Variants in REV1 observed in about 807,000 individuals in gnomAD.
The protein encoded by REV1 is REV1 DNA directed polymerase.
In REV1, 42 loss-of-function variants were observed where a neutral mutation model predicts 137.4. That is an observed-to-expected ratio of 0.31 (90% CI 0.24 to 0.40). REV1 has a LOEUF of 0.40. REV1 is among the 10% of genes least tolerant of loss of function. REV1 has a pLI of 1.00. For synonymous variants in REV1, 524 were observed against 519.2 expected (o/e 1.01, Z -0.12); for missense variants, 1,282 against 1,490.1 (o/e 0.86, Z 2.30).
rs1188223937 is a variant in REV1 at position 99,403,048 on chromosome 2, CTTG to C, written c.3222_3224del (p.Asn1074del). The C allele has an allele frequency of 9.3e-6, 15 of 1,613,772 alleles. No homozygotes were observed. The highest frequency in any genetic ancestry group is 1.3e-5 in the Non-Finnish European group (15 of 1,179,918). On this transcript the variant is annotated inframe_deletion, in exon 20 of 23. Coordinates refer to ENST00000258428, the MANE Select transcript of REV1 (RefSeq NM_016316.4). The stretch of plus-strand genomic sequence containing the variant: ...TTGGTGAACCAATGGTTTTTTTCTT[CTTG>C]TTTCTTTTCTTTTCTTTCACTGCTG...
intron 4 of REV1, among the ~76,000 whole-genome samples, chr2:99,448,102 A>G (rs1194898863): frequency 6.6e-6 from 1 of 152,158 alleles, no homozygotes; most frequent in Non-Finnish European, 1.5e-5. Context: ...AGCCTTTTCC[A>G]CCACGCTGCT....
intron 9 of REV1, 82 bp downstream of exon 9, chr2:99,429,758 A>C: frequency 4.0e-6 from 3 of 746,626 alleles, no homozygotes; most frequent in South Asian, 2.3e-5. Context: ...AATCCACTTC[A>C]AAAGATTATA....
chr2:99,404,412 A>C, intron 18 of REV1, 32 bp downstream of exon 18: 1 of 1,579,770 alleles, frequency 6.3e-7, no homozygotes, highest in Non-Finnish European at 8.7e-7. Flanking sequence ...GAATATTGAA[A>C]CTACAGCAGA....
rs752164987 is a variant in REV1 at position 99,429,918 on chromosome 2, T to C, written c.1469A>G (p.Asn490Ser). The C allele has an allele frequency of 3.7e-6, 6 of 1,601,770 alleles. No individual in the cohort carries two copies. The highest frequency in any genetic ancestry group is 5.1e-6 in the Non-Finnish European group (6 of 1,174,404). The change falls in exon 9 of 23, where the codon AAT (asparagine) becomes AGT (serine). Residue 490 changes from asparagine to serine, a missense_variant. This residue lies in a region of REV1 where 432 missense variants were observed against 438.0 expected (regional missense o/e 0.99). Transcript: ENST00000258428. Reference sequence around the variant, plus strand: ...TCCATTTGCTTGCGCAGAATCTGGATTCTCCCACAATGATGAATCTGGTAT... The same window carrying C: ...TCCATTTGCTTGCGCAGAATCTGGACTCTCCCACAATGATGAATCTGGTAT... The part of the protein sequence containing the change: ...ADIPDSSLWE[N>S]PDSAQANGID...
chr2:99,442,609 G>T, intron 4 of REV1, 140 bp from the exon 5 acceptor site: 2 of 748,496 alleles, frequency 2.7e-6, no homozygotes, highest in Non-Finnish European at 4.3e-6. Flanking sequence ...TTCTTGCTCG[G>T]TTTTAGTGGT....
intron 1 of REV1, among the ~76,000 whole-genome samples, chr2:99,477,687 A>T (rs1450333061): frequency 6.6e-6 from 1 of 152,242 alleles, no homozygotes; most frequent in African/African-American, 2.4e-5. Flanking sequence ...ATGTATAACA[A>T]ACATTTGTAT....
chr2:99,483,877 CAGTAAGATAT>C (rs1686878700), intron 1 of REV1, among the ~76,000 whole-genome samples: 1 of 152,102 alleles, frequency 6.6e-6, no homozygotes, highest in African/African-American at 2.4e-5. Flanking sequence ...CACTTTCCTC[CAGTAAGATAT>C]AATGGCATTG....
intron 15 of REV1, among the ~76,000 whole-genome samples, chr2:99,407,080 CTTTTTTTTTTTTTTT>C (rs869170472): frequency 1.8e-4 from 11 of 60,046 alleles, no homozygotes; most frequent in South Asian, 7.7e-4. Context: ...TACAAAGGTT[CTTTTTTTTTTTTTTT>C]TTTTTTTTTT....
chr2:99,447,317 C>T (rs1465304006), intron 4 of REV1, among the ~76,000 whole-genome samples: 5 of 152,068 alleles, frequency 3.3e-5, no homozygotes, highest in South Asian at 2.1e-4. Context: ...GGACTACAGG[C>T]GCGCGCCACC....
chr2:99,471,378 G>T (rs186734874), intron 1 of REV1, among the ~76,000 whole-genome samples: 6 of 152,112 alleles, frequency 3.9e-5, no homozygotes, highest in Admixed American at 1.3e-4. Flanking sequence ...AGGAAAACTG[G>T]ATATCACATG....
intron 3 of REV1, among the ~76,000 whole-genome samples, chr2:99,460,716 A>C (rs1343476847): frequency 6.6e-6 from 1 of 152,172 alleles, no homozygotes; most frequent in East Asian, 1.9e-4. Context: ...GGTGAAATTC[A>C]GCATAATGGA....
intron 3 of REV1, among the ~76,000 whole-genome samples, chr2:99,453,347 G>A (rs1306250346): frequency 4.3e-5 from 6 of 140,704 alleles, no homozygotes; most frequent in African/African-American, 1.6e-4. Flanking sequence ...AACAGAGCAA[G>A]ACTGTCTCAA....
intron 6 of REV1, chr2:99,436,719 C>T (rs573317338): frequency 1.3e-5 from 2 of 152,150 alleles, no homozygotes; most frequent in African/African-American, 4.8e-5. Flanking sequence ...CTAATCCAGG[C>T]ACAAGCAGAG....
At chr2:99,489,751 C>G (rs1366727021) in intron 1 of REV1, 66 bp downstream of exon 1, 1 of 150,002 alleles carries the variant, frequency 6.7e-6, no homozygotes, top group Non-Finnish European at 1.5e-5. Context: ...GTCTGCGGCG[C>G]CTCCGGGCGA....
Position 99,435,647 on chromosome 2 carries a change from T to C in REV1, c.1321+187A>G, listed in dbSNP as rs1366009490. ...GAAGATGAATATTCTTCCCTGAAGA[T>C]CCCTATAGGGAGAAAGAAAAACTCT... On this transcript the variant is annotated intron_variant, in intron 7 of 22. Transcript: ENST00000258428. The C allele has an allele frequency of 2.1e-5, 9 of 422,534 alleles. No homozygotes were observed. In the South Asian group the frequency reaches 4.3e-4, roughly 20 times the overall value. 26.2% of individuals were successfully genotyped at this position (422,534 alleles called of 1,614,324 possible).
chr2:99,457,360 G>C lies in REV1; in HGVS notation c.181+5136C>G, dbSNP rs540780803. Among the ~76,000 whole-genome samples the C allele has an allele frequency of 1.5e-4, 23 of 152,284 alleles. No individual in the cohort carries two copies. The East Asian group carries it at 4.4e-3, about 29-fold the overall frequency. Reference sequence around the variant, plus strand: ...GTAATTCCTATCAAAATCCCAGCAAGGTATTTTGTGGATAAATGACTTATT... The same window carrying C: ...GTAATTCCTATCAAAATCCCAGCAACGTATTTTGTGGATAAATGACTTATT... On this transcript the variant is annotated intron_variant, in intron 3 of 22. Coordinates refer to ENST00000258428, the MANE Select transcript of REV1 (RefSeq NM_016316.4).
intron 19 of REV1, 74 bp downstream of exon 19, chr2:99,403,621 C>A: frequency 6.2e-7 from 1 of 1,601,022 alleles, no homozygotes; most frequent in Non-Finnish European, 8.5e-7. Context: ...CCATTATATA[C>A]TGCAATAATT....
chr2:99,459,727 C>G (rs997703775), intron 3 of REV1, among the ~76,000 whole-genome samples: 1 of 151,966 alleles, frequency 6.6e-6, no homozygotes, highest in African/African-American at 2.4e-5. Context: ...ACAAACAAAA[C>G]AAACAAAAAG....
chr2:99,477,518 T>C (rs1170583357), intron 1 of REV1, among the ~76,000 whole-genome samples: 1 of 152,214 alleles, frequency 6.6e-6, no homozygotes, highest in Non-Finnish European at 1.5e-5. Flanking sequence ...TGTTCCATTG[T>C]ATTCTGAAGT....
Sources: gnomAD v4.1 joint callset for allele counts (sites outside exome capture counted in the v4.1 genomes callset) on GRCh38, gnomAD v4.1.1 for gene constraint, gnomAD v4.1.1 regional missense constraint, MANE v1.5 for transcripts, NCBI Gene and HGNC (gene_info 2026-07-23, HGNC 2026-07-21) for gene names.